Variants in HOMER1 observed in about 807,000 individuals in gnomAD.
The protein encoded by HOMER1 is homer protein homolog 1.
Under a neutral mutation model 48.9 loss-of-function variants are expected in HOMER1, and 3 were observed. The observed-to-expected ratio is 0.06, with a 90% CI of 0.03 to 0.16. HOMER1 has a LOEUF of 0.16. HOMER1 is among the 10% of genes least tolerant of loss of function. The probability of loss-of-function intolerance (pLI) is 1.00; values close to 1 mark genes in which losing one functional copy is unlikely to be tolerated. For synonymous variants in HOMER1, 134 were observed against 146.4 expected (o/e 0.92, Z 0.61); for missense variants, 247 against 411.4 (o/e 0.60, Z 3.46).
At chr5:79,500,994 A>ACACACACACACACACAC (rs1491137703) in intron 1 of HOMER1, among the ~76,000 whole-genome samples, 1 of 143,026 alleles carries the variant, frequency 7.0e-6, no homozygotes, top group African/African-American at 2.6e-5. Context: ...ACACACACAC[A>ACACACACACACACACAC]AGGTCTGGCT....
At chr5:79,503,002 G>C (rs572080769) in intron 1 of HOMER1, among the ~76,000 whole-genome samples, 3 of 152,058 alleles carry the variant, frequency 2.0e-5, no homozygotes, top group Admixed American at 1.3e-4. Context: ...GTGTTAGCCA[G>C]GACGGTCTTG....
At position 79,494,370 on chromosome 5, in the gene HOMER1, C is replaced by T. The variant is rs950789954; in HGVS notation, c.5+18400G>A. On this transcript the variant is annotated intron_variant, in intron 1 of 8. Transcript: ENST00000334082. ...ATTTGTCATCTCACCTTGCTACAAA[C>T]TTGTTTCTCTCCTCTTGGTTCCCTT... Among the ~76,000 whole-genome samples, 75 of 152,216 alleles carry T rather than the reference C, an allele frequency of 4.9e-4. 1 individual carries two copies.
intron 8 of HOMER1, among the ~76,000 whole-genome samples, chr5:79,395,874 C>A (rs6868393): frequency 0.48 from 72,669 of 152,004 alleles, 20,680 homozygotes; most frequent in African/African-American, 0.79. Flanking sequence ...GCCCAGTGTC[C>A]GATATGTTGC....
At chr5:79,468,105 AT>A (rs1483377586) in intron 1 of HOMER1, among the ~76,000 whole-genome samples, 1 of 152,176 alleles carries the variant, frequency 6.6e-6, no homozygotes, top group African/African-American at 2.4e-5. Context: ...ATAACAATAC[AT>A]GTTATGATTA....
chr5:79,503,076 T>G (rs190332112), intron 1 of HOMER1, among the ~76,000 whole-genome samples: 15 of 152,010 alleles, frequency 9.9e-5, no homozygotes, highest in South Asian at 2.1e-4. Context: ...CGTGAGCCAC[T>G]GCGCCCAGCC....
intron 2 of HOMER1, among the ~76,000 whole-genome samples, chr5:79,451,990 A>G (rs544543869): frequency 5.9e-4 from 90 of 152,256 alleles, no homozygotes; most frequent in African/African-American, 2.1e-3. Context: ...ACAAACCTCT[A>G]AATATAGAGG....
At chr5:79,414,277 T>C (rs556040488) in intron 5 of HOMER1, among the ~76,000 whole-genome samples, 3 of 149,884 alleles carry the variant, frequency 2.0e-5, no homozygotes, top group African/African-American at 7.5e-5. Context: ...TTTTTTTTTG[T>C]ACAGATGCAG....
rs1748763167 is a variant in HOMER1, at chr5:79,376,014, T to C, written c.1060A>G (p.Ser354Gly). ...GCACTGAAATTTCACTTTCCTTAGCTGCATTCTAGTAGCTTGGCCAAGTTA... is the reference window on the plus strand; with the variant it reads ...GCACTGAAATTTCACTTTCCTTAGCCGCATTCTAGTAGCTTGGCCAAGTTA... ...RDNLAKLLEC[S>G] The change falls in exon 9 of 9, where the codon AGC becomes GGC. Residue 354 changes from serine to glycine, a missense_variant. Ser to Gly is a moderately conservative substitution (Grantham distance 56). Around this residue, in one of 4 missense-constraint regions of HOMER1, gnomAD observed 113 missense variants for 152.5 expected, o/e 0.74. Transcript: ENST00000334082. 1.2e-6 allele frequency: 2 copies of C among 1,606,836 alleles called. No homozygotes were observed. The highest frequency in any genetic ancestry group is 1.3e-5 in the African/African-American group (1 of 74,544).
intron 8 of HOMER1, among the ~76,000 whole-genome samples, chr5:79,378,001 T>A (rs1426328900): frequency 6.6e-6 from 1 of 152,038 alleles, no homozygotes; most frequent in Non-Finnish European, 1.5e-5. Context: ...CTGAATCACC[T>A]GAGGTCAGGA....
At chr5:79,462,905 T>C (rs1167827997) in intron 1 of HOMER1, among the ~76,000 whole-genome samples, 1 of 152,110 alleles carries the variant, frequency 6.6e-6, no homozygotes, top group Non-Finnish European at 1.5e-5. Flanking sequence ...TTTCCTGGTA[T>C]ACCTTTAATG....
chr5:79,423,483 G>A (rs991897393), intron 5 of HOMER1, among the ~76,000 whole-genome samples: 1 of 152,130 alleles, frequency 6.6e-6, no homozygotes, highest in Non-Finnish European at 1.5e-5. Flanking sequence ...GTGCCATCTG[G>A]AAGGAATTTC....
chr5:79,507,851 T>G lies in HOMER1; in HGVS notation c.5+4919A>C, dbSNP rs191233527. ...TTCTGTCAACCCCTTAACTCCCAAA[T>G]TCACTATTTTATGACCCATAGTTAG... On this transcript the variant is annotated intron_variant, in intron 1 of 8. Transcript: ENST00000334082. 1.6e-3 allele frequency among the ~76,000 whole-genome samples: 249 copies of G among 152,324 alleles called. 1 individual carries two copies. Among genetic ancestry groups the G allele is most frequent in the African/African-American group, 5.7e-3 (236 of 41,578 alleles).
At chr5:79,417,250 C>T (rs1232511396) in intron 5 of HOMER1, among the ~76,000 whole-genome samples, 1 of 151,912 alleles carries the variant, frequency 6.6e-6, no homozygotes, top group Non-Finnish European at 1.5e-5. Flanking sequence ...TCACGCCATT[C>T]TCCTGCCTCA....
At chr5:79,405,784 T>C (rs1327491117) in intron 5 of HOMER1, among the ~76,000 whole-genome samples, 1 of 152,198 alleles carries the variant, frequency 6.6e-6, no homozygotes, top group Non-Finnish European at 1.5e-5. Flanking sequence ...TAATGAGTAG[T>C]AAATTTTATA....
chr5:79,401,795 CCTAGAA>C, intron 6 of HOMER1, 98 bp downstream of exon 6: 1 of 1,082,054 alleles, frequency 9.2e-7, no homozygotes, highest in Non-Finnish European at 1.4e-6. Flanking sequence ...GTTCTGACAT[CCTAGAA>C]CTAGAAGATA....
chr5:79,479,432 C>T (rs1206927549), intron 1 of HOMER1, among the ~76,000 whole-genome samples: 3 of 152,040 alleles, frequency 2.0e-5, no homozygotes, highest in Middle Eastern at 3.2e-3. Flanking sequence ...AAGAGGGATG[C>T]AGAGGGACAT....
intron 1 of HOMER1, among the ~76,000 whole-genome samples, chr5:79,485,651 GGTAA>G (rs1303714861): frequency 1.3e-5 from 2 of 152,128 alleles, no homozygotes; most frequent in Non-Finnish European, 2.9e-5. Context: ...TACAAACTGT[GGTAA>G]GTGTTACCAA....
intron 1 of HOMER1, among the ~76,000 whole-genome samples, chr5:79,476,437 G>A (rs1561378693): frequency 6.6e-6 from 1 of 152,050 alleles, no homozygotes; most frequent in South Asian, 2.1e-4. Context: ...GTGTCAGATC[G>A]CACAGGCTGA....
At chr5:79,380,984 G>A (rs1012779606) in intron 8 of HOMER1, among the ~76,000 whole-genome samples, 1 of 152,140 alleles carries the variant, frequency 6.6e-6, no homozygotes, top group Non-Finnish European at 1.5e-5. Context: ...AGGGGTCGGA[G>A]AACCCACCCA....
Sources: gnomAD v4.1 joint callset for allele counts (sites outside exome capture counted in the v4.1 genomes callset) on GRCh38, gnomAD v4.1.1 for gene constraint, gnomAD v4.1.1 regional missense constraint, MANE v1.5 for transcripts, NCBI Gene and HGNC (gene_info 2026-07-23, HGNC 2026-07-21) for gene names.